Variants in WEE2 observed in about 807,000 individuals in gnomAD.
The protein encoded by WEE2 is WEE2 oocyte meiosis inhibiting kinase.
In WEE2, 50 loss-of-function variants were observed where a neutral mutation model predicts 60.1. That is an observed-to-expected ratio of 0.83 (90% CI 0.66 to 1.05). The LOEUF (loss-of-function observed/expected upper bound fraction) is 1.05, where lower values mean the gene tolerates loss of function less well. Among genes scored for constraint, WEE2 ranks in the 50% least tolerant of loss-of-function variants. The probability of loss-of-function intolerance (pLI) is 0.00; values close to 1 mark genes in which losing one functional copy is unlikely to be tolerated. For synonymous variants in WEE2, 240 were observed against 241.0 expected (o/e 1.00, Z 0.04); for missense variants, 631 against 684.3 (o/e 0.92, Z 0.87).
intron 4 of WEE2, 123 bp from the exon 5 acceptor site, chr7:141,720,812 C>T: frequency 9.7e-7 from 1 of 1,035,476 alleles, no homozygotes; most frequent in Non-Finnish European, 1.4e-6. Flanking sequence ...AAATAGTAAG[C>T]AAGCAGTGAG....
At chr7:141,719,019 T>C (rs1798855932) in intron 3 of WEE2, 53 bp from the exon 4 acceptor site, 1 of 1,563,054 alleles carries the variant, frequency 6.4e-7, no homozygotes, top group East Asian at 2.2e-5. Context: ...TTAATTTTAT[T>C]GCTTACAACA....
chr7:141,709,536 C>T (rs978551317), intron 1 of WEE2, among the ~76,000 whole-genome samples: 9 of 152,248 alleles, frequency 5.9e-5, no homozygotes, highest in Admixed American at 4.6e-4. Flanking sequence ...TTGTTCTTTC[C>T]ATTACGCCAA....
At chr7:141,719,505 C>A (rs908520244) in intron 4 of WEE2, among the ~76,000 whole-genome samples, 1 of 152,180 alleles carries the variant, frequency 6.6e-6, no homozygotes, top group African/African-American at 2.4e-5. Flanking sequence ...GGCTAGAGTG[C>A]AGTGGTGTGA....
Position 141,730,280 on chromosome 7 carries a change from AC to A in WEE2, c.1679-14del. On this transcript the variant is annotated splice_polypyrimidine_tract_variant and intron_variant, in intron 11 of 11. Transcript: ENST00000397541. The stretch of plus-strand genomic sequence containing the variant: ...GATCAATAACTTATTTACTTCTCAC[AC>A]TTTTGATGAACAGCAGGAGAGCGTG... 6.2e-7 allele frequency: 1 copy of A among 1,612,748 alleles called. No individual in the cohort carries two copies. The highest frequency in any genetic ancestry group is 8.5e-7 in the Non-Finnish European group (1 of 1,179,398).
intron 3 of WEE2, among the ~76,000 whole-genome samples, chr7:141,718,398 A>G (rs1798846020): frequency 6.6e-6 from 1 of 152,126 alleles, no homozygotes; most frequent in Non-Finnish European, 1.5e-5. Flanking sequence ...AACCCTGAAG[A>G]GTGTTGCCAT....
At chr7:141,712,027 C>T (rs1197069966) in intron 1 of WEE2, among the ~76,000 whole-genome samples, 2 of 152,142 alleles carry the variant, frequency 1.3e-5, no homozygotes, top group East Asian at 3.9e-4. Flanking sequence ...TGCCACCCAC[C>T]AGGCCCTACC....
At position 141,729,576 on chromosome 7, in the gene WEE2, C is replaced by A. The variant is rs1417453337; in HGVS notation, c.1581C>A (p.Thr527=). The A allele has an allele frequency of 6.2e-7, 1 of 1,614,186 alleles. No homozygotes were observed. The highest frequency in any genetic ancestry group is 1.1e-5 in the South Asian group (1 of 91,076). Residue 527 remains threonine (T), a synonymous_variant, in exon 11 of 12, where the codon ACC becomes ACA. Coordinates refer to ENST00000397541, the MANE Select transcript of WEE2 (RefSeq NM_001105558.1). ...AGGCCCAGTCACCCCAGGGATATAC[C>A]CATCATGGTGACACTGGGGTCTCTG... is the stretch of plus-strand genomic sequence containing the variant. ...AQQAQSPQGY[T]HHGDTGVSGT... is the part of the protein sequence containing the mutation.
At chr7:141,726,356 C>T (rs1799017949) in intron 9 of WEE2, among the ~76,000 whole-genome samples, 1 of 152,120 alleles carries the variant, frequency 6.6e-6, no homozygotes, top group Non-Finnish European at 1.5e-5. Flanking sequence ...TCATAGCTTA[C>T]TGCAGCCTTG....
chr7:141,710,489 A>G (rs1210949904), intron 1 of WEE2, among the ~76,000 whole-genome samples: 1 of 152,222 alleles, frequency 6.6e-6, no homozygotes, highest in Non-Finnish European at 1.5e-5. Context: ...AAACCCATTC[A>G]CTGCCTTCAA....
chr7:141,712,818 A>G (rs1339533397), intron 1 of WEE2, among the ~76,000 whole-genome samples: 1 of 152,210 alleles, frequency 6.6e-6, no homozygotes, highest in Non-Finnish European at 1.5e-5. Flanking sequence ...TACTTTCCAT[A>G]TGATAATCAG....
chr7:141,708,531 T>G lies in WEE2; in HGVS notation c.-228T>G. 1 of 566,540 alleles carries G rather than the reference T, an allele frequency of 1.8e-6. No homozygotes were observed. Among genetic ancestry groups the G allele is most frequent in the Non-Finnish European group, 3.1e-6 (1 of 318,876 alleles). The allele number at this position is 566,540 out of a possible 1,614,324, so 35.1% of individuals were successfully genotyped here. A position where few individuals can be genotyped will look rare whatever the true frequency, so the allele number is the denominator to read the frequency against. ...TAATTGCTCCGAGAGTCACTGGAGC[T>G]TTCTTTAATCAGAATGGAAATCAGG... On this transcript the variant is annotated 5_prime_UTR_variant, in exon 1 of 12. Coordinates refer to ENST00000397541, the MANE Select transcript of WEE2 (RefSeq NM_001105558.1).
At chr7:141,714,503 T>G (rs564547247) in intron 2 of WEE2, 98 bp downstream of exon 2, 12 of 949,144 alleles carry the variant, frequency 1.3e-5, no homozygotes, top group South Asian at 1.8e-5. Context: ...GAGAACTCTA[T>G]TTGAATGAAA....
At chr7:141,714,081 C>T in intron 1 of WEE2, 128 bp from the exon 2 acceptor site, 3 of 726,024 alleles carry the variant, frequency 4.1e-6, no homozygotes, top group South Asian at 4.0e-5. Flanking sequence ...AACCAGTTCA[C>T]ATGGAACCAG....
At position 141,724,057 on chromosome 7, in the gene WEE2, G is replaced by A; in HGVS notation, c.1135+9G>A. 1.3e-6 allele frequency: 2 copies of A among 1,595,430 alleles called. No individual in the cohort carries two copies. The highest frequency in any genetic ancestry group is 1.7e-6 in the Non-Finnish European group (2 of 1,165,916). On this transcript the variant is annotated intron_variant, in intron 7 of 11. Coordinates refer to ENST00000397541, the MANE Select transcript of WEE2 (RefSeq NM_001105558.1). ...TGTGATGTATAAAATTGGTTAGTCT[G>A]CCTTATAGCCTTACCAGTTACCATT...
chr7:141,722,367 T>C (rs570864215), intron 5 of WEE2, among the ~76,000 whole-genome samples: 12 of 152,248 alleles, frequency 7.9e-5, no homozygotes, highest in African/African-American at 2.9e-4. Context: ...ACCATGCCAT[T>C]GTACTCCAGC....
At chr7:141,725,949 T>C (rs537567082) in intron 9 of WEE2, among the ~76,000 whole-genome samples, 25 of 152,314 alleles carry the variant, frequency 1.6e-4, no homozygotes, top group Admixed American at 4.6e-4. Context: ...ACTAAAAGAA[T>C]GAATTTCTAT....
intron 10 of WEE2, 106 bp from the exon 11 acceptor site, chr7:141,729,425 C>T (rs201319948): frequency 2.6e-6 from 1 of 384,230 alleles, no homozygotes; most frequent in African/African-American, 1.0e-4. Flanking sequence ...CTTTTCGTTT[C>T]TGTAAATACT....
chr7:141,730,253 C>G (rs2117130322), intron 11 of WEE2, 42 bp from the exon 12 acceptor site: 1 of 1,602,022 alleles, frequency 6.2e-7, no homozygotes, highest in Non-Finnish European at 8.5e-7. Flanking sequence ...CCTAATGCCA[C>G]TGATCAATAA....
chr7:141,719,327 C>T (rs1013899512), intron 4 of WEE2, 83 bp downstream of exon 4: 20 of 1,247,290 alleles, frequency 1.6e-5, no homozygotes, highest in African/African-American at 4.5e-5. Flanking sequence ...ATTAAAGCAC[C>T]GATGTCATTA....
Sources: allele counts gnomAD v4.1 joint callset (sites outside exome capture counted in the v4.1 genomes callset), GRCh38; gene constraint gnomAD v4.1.1; transcripts MANE v1.5; gene names NCBI Gene and HGNC (gene_info 2026-07-23, HGNC 2026-07-21).